The following RABGAP1L variants were observed in gnomAD, a reference collection of about 807,000 sequenced individuals.
RABGAP1L encodes the protein rab GTPase-activating protein 1-like.
In RABGAP1L, 63 loss-of-function variants were observed where a neutral mutation model predicts 137.7. The ratio of observed to expected loss-of-function variants is 0.46; its 90% confidence interval spans 0.37 to 0.56. RABGAP1L has a LOEUF of 0.56. RABGAP1L is among the 20% of genes least tolerant of loss of function. RABGAP1L has a pLI of 0.00. For synonymous variants in RABGAP1L, 431 were observed against 433.7 expected, an observed-to-expected ratio of 0.99 and a Z score of 0.08; for missense variants, 1,095 against 1,244.0, an observed-to-expected ratio of 0.88 and a Z score of 1.80.
intron 11 of RABGAP1L, among the ~76,000 whole-genome samples, chr1:174,333,398 T>C (rs1420908260): frequency 2.6e-5 from 4 of 152,190 alleles, no homozygotes; most frequent in Admixed American, 2.6e-4. Flanking sequence ...TTACACAATG[T>C]ATACATACAT....
chr1:174,553,696 C>T (rs1356772623), intron 13 of RABGAP1L, among the ~76,000 whole-genome samples: 1 of 152,120 alleles, frequency 6.6e-6, no homozygotes, highest in African/African-American at 2.4e-5. Context: ...TGCAGAAATC[C>T]TCAACAAGAA....
rs772379206 is a variant in RABGAP1L, at chr1:174,680,542, TCAGA to T, written c.1825-2975_1825-2972del. On this transcript the variant is annotated intron_variant, in intron 14 of 25. Transcript: ENST00000681986. ...TCTGGTTATAGCATCCAGAATGGAC[TCAGA>T]CAGAGTTGTATACAGAGCATATACA... Among the ~76,000 whole-genome samples, 5 of 152,170 alleles carry T rather than the reference TCAGA, an allele frequency of 3.3e-5. No individual in the cohort carries two copies. In the East Asian group the frequency reaches 9.6e-4, roughly 29 times the overall value.
intron 18 of RABGAP1L, chr1:174,800,300 A>G (rs1173826133): frequency 6.5e-7 from 1 of 1,539,922 alleles, no homozygotes; most frequent in Admixed American, 2.0e-5. Context: ...TAAGAGATCC[A>G]TCTTTCTCAT....
intron 7 of RABGAP1L, among the ~76,000 whole-genome samples, chr1:174,267,166 A>G (rs1201395636): frequency 6.6e-6 from 1 of 152,206 alleles, no homozygotes; most frequent in Non-Finnish European, 1.5e-5. Context: ...TGCCACATCA[A>G]AAGGAAATAG....
intron 7 of RABGAP1L, among the ~76,000 whole-genome samples, chr1:174,256,701 A>T (rs1050545022): frequency 2.6e-5 from 4 of 152,170 alleles, no homozygotes; most frequent in African/African-American, 9.7e-5. Flanking sequence ...GAATCCCTTG[A>T]ACCCGGGAAG....
intron 11 of RABGAP1L, among the ~76,000 whole-genome samples, chr1:174,341,165 C>T (rs1385865554): frequency 4.6e-5 from 7 of 152,022 alleles, no homozygotes; most frequent in Non-Finnish European, 1.0e-4. Flanking sequence ...AGATTGTTGT[C>T]AGATGGATAG....
intron 19 of RABGAP1L, among the ~76,000 whole-genome samples, chr1:174,902,828 G>T (rs1658365453): frequency 6.6e-6 from 1 of 152,180 alleles, no homozygotes; most frequent in Non-Finnish European, 1.5e-5. Context: ...CAGGTGGTTT[G>T]CCTAGTCAGT....
At chr1:174,864,972 C>T (rs1650945837) in intron 19 of RABGAP1L, among the ~76,000 whole-genome samples, 1 of 152,054 alleles carries the variant, frequency 6.6e-6, no homozygotes, top group Admixed American at 6.5e-5. Flanking sequence ...CAAAAATTAG[C>T]TGGATGTGGT....
At chr1:174,763,657 A>G (rs1685428168) in intron 18 of RABGAP1L, among the ~76,000 whole-genome samples, 1 of 70,554 alleles carries the variant, frequency 1.4e-5, no homozygotes, top group Non-Finnish European at 2.5e-5. Context: ...TCTCAAAAAA[A>G]AAAAAAAAAA....
intron 13 of RABGAP1L, among the ~76,000 whole-genome samples, chr1:174,568,920 G>GA (rs1445312591): frequency 2.0e-5 from 3 of 152,170 alleles, no homozygotes; most frequent in Non-Finnish European, 4.4e-5. Context: ...AAAATCTGAA[G>GA]AAAAATGTTT....
intron 13 of RABGAP1L, among the ~76,000 whole-genome samples, chr1:174,610,302 A>G (rs966290253): frequency 4.1e-5 from 6 of 146,558 alleles, no homozygotes; most frequent in Middle Eastern, 3.4e-3. Flanking sequence ...GAGAACATGC[A>G]GTGTTTGGTT....
chr1:174,689,390 CTCTT>C (rs545842812), intron 15 of RABGAP1L, among the ~76,000 whole-genome samples: 144 of 151,938 alleles, frequency 9.5e-4, no homozygotes, highest in African/African-American at 3.3e-3. Flanking sequence ...TTATTCAAGA[CTCTT>C]TCTGCTGCAT....
intron 20 of RABGAP1L, 79 bp downstream of exon 20, chr1:174,957,628 G>C: frequency 7.5e-7 from 1 of 1,331,356 alleles, no homozygotes; most frequent in Non-Finnish European, 1.1e-6. Flanking sequence ...TGTTGCCCAG[G>C]CTGGTCTTGA....
At chr1:174,376,996 A>C (rs1685605376) in intron 12 of RABGAP1L, among the ~76,000 whole-genome samples, 1 of 152,216 alleles carries the variant, frequency 6.6e-6, no homozygotes, top group Non-Finnish European at 1.5e-5. Flanking sequence ...AGATCTAATA[A>C]ATGAGTTTTA....
rs560544828 is a variant in RABGAP1L, at chr1:174,414,460, T to G, written c.1710+20315T>G. On this transcript the variant is annotated intron_variant, in intron 13 of 25. Coordinates refer to ENST00000681986, the MANE Select transcript of RABGAP1L (RefSeq NM_001366446.1). The stretch of plus-strand genomic sequence containing the variant: ...GACAGGATAGTAGGCTGTCCTACTA[T>G]CTAGGATACTGTCCTACTATATAGG... 2.5e-4 allele frequency among the ~76,000 whole-genome samples: 38 copies of G among 152,260 alleles called. No individual in the cohort carries two copies. The East Asian group carries it at 4.4e-3, about 18-fold the overall frequency.
At chr1:174,510,254 T>A (rs1662206685) in intron 13 of RABGAP1L, among the ~76,000 whole-genome samples, 1 of 152,206 alleles carries the variant, frequency 6.6e-6, no homozygotes, top group Non-Finnish European at 1.5e-5. Flanking sequence ...TTATTTTCCA[T>A]CCATATGTCT....
At chr1:174,877,731 T>A (rs1653379327) in intron 19 of RABGAP1L, 1 of 919,898 alleles carries the variant, frequency 1.1e-6, no homozygotes, top group Non-Finnish European at 1.6e-6. Context: ...TTTTCAAAGA[T>A]TTATTTACAT....
At chr1:174,506,075 C>T (rs747792901) in intron 13 of RABGAP1L, among the ~76,000 whole-genome samples, 1 of 152,076 alleles carries the variant, frequency 6.6e-6, no homozygotes, top group Non-Finnish European at 1.5e-5. Context: ...CTCTTACGTG[C>T]AATCTAAAAA....
At chr1:174,809,807 G>A (rs1689692692) in intron 18 of RABGAP1L, among the ~76,000 whole-genome samples, 1 of 152,168 alleles carries the variant, frequency 6.6e-6, no homozygotes, top group South Asian at 2.1e-4. Context: ...TGGTAGAATT[G>A]GTAGCTGGAT....
Sources: allele counts gnomAD v4.1 joint callset (sites outside exome capture counted in the v4.1 genomes callset), GRCh38; gene constraint gnomAD v4.1.1; transcripts MANE v1.5; gene names NCBI Gene and HGNC (gene_info 2026-07-23, HGNC 2026-07-21).